IFT122: variants seen among roughly 807,000 people sequenced by gnomAD.
IFT122 encodes intraflagellar transport 122.
In IFT122, 118 loss-of-function variants were observed where a neutral mutation model predicts 161.6. That is an observed-to-expected ratio of 0.73 (90% CI 0.63 to 0.85). The LOEUF (loss-of-function observed/expected upper bound fraction) is 0.85. Among genes scored for constraint, IFT122 ranks in the 40% least tolerant of loss-of-function variants. The pLI is 0.00. For synonymous variants in IFT122, 550 were observed against 602.4 expected, an observed-to-expected ratio of 0.91 and a Z score of 1.27; for missense variants, 1,381 against 1,579.6, an observed-to-expected ratio of 0.87 and a Z score of 2.13.
chr3:129,444,883 G>A (rs2073795099), intron 1 of IFT122, among the ~76,000 whole-genome samples: 1 of 152,178 alleles, frequency 6.6e-6, no homozygotes, highest in African/African-American at 2.4e-5. Flanking sequence ...ATTAAAGGAA[G>A]CGTCAGGTCA....
chr3:129,453,888 A>G (rs1243346187), intron 3 of IFT122, among the ~76,000 whole-genome samples: 1 of 152,016 alleles, frequency 6.6e-6, no homozygotes. Context: ...GTGAGTTCCA[A>G]CCCCAACCCA....
intron 3 of IFT122, among the ~76,000 whole-genome samples, chr3:129,453,818 T>A (rs889790580): frequency 1.3e-5 from 2 of 151,648 alleles, no homozygotes; most frequent in Non-Finnish European, 2.9e-5. Flanking sequence ...TTAAAATAAA[T>A]CCATGTTGTC....
At position 129,450,033 on chromosome 3, in the gene IFT122, A is replaced by G. The variant is rs1472176264; in HGVS notation, c.108+96A>G. On this transcript the variant is annotated intron_variant, in intron 2 of 29. Coordinates refer to ENST00000348417, the MANE Select transcript of IFT122 (RefSeq NM_052989.3). ...ACCCTTTTTTTTTTTTTTTGAGATTAAAAAGGCAAGGGTGGAAAAACCTTC... is the reference window on the plus strand; with the variant it reads ...ACCCTTTTTTTTTTTTTTTGAGATTGAAAAGGCAAGGGTGGAAAAACCTTC... 6 of 836,102 alleles carry G rather than the reference A, an allele frequency of 7.2e-6. No homozygotes were observed. In the East Asian group the frequency reaches 1.5e-4, roughly 21 times the overall value. The allele number at this position is 836,102 out of a possible 1,614,324, so 51.8% of individuals were successfully genotyped here. A position where few individuals can be genotyped will look rare whatever the true frequency, so the allele number is the denominator to read the frequency against.
intron 1 of IFT122, among the ~76,000 whole-genome samples, chr3:129,447,444 G>C (rs1269940988): frequency 3.9e-5 from 6 of 152,188 alleles, no homozygotes; most frequent in Non-Finnish European, 8.8e-5. Context: ...ATAAAGGATT[G>C]TGGAGACCCA....
chr3:129,514,976 A>C, intron 25 of IFT122: 1 of 360,406 alleles, frequency 2.8e-6, no homozygotes, highest in Non-Finnish European at 5.3e-6. Flanking sequence ...CATTCCTTCA[A>C]CCCAGCCAGC....
chr3:129,441,664 G>A (rs1208960208), intron 1 of IFT122, among the ~76,000 whole-genome samples: 1 of 152,122 alleles, frequency 6.6e-6, no homozygotes, highest in Non-Finnish European at 1.5e-5. Context: ...AGACAGGCAG[G>A]TAACATAAAT....
At chr3:129,478,251 A>T (rs768050674) in intron 12 of IFT122, 33 bp downstream of exon 12, 1 of 1,596,844 alleles carries the variant, frequency 6.3e-7, no homozygotes. Context: ...AGTTGGGCTG[A>T]ATTCCATTTG....
At chr3:129,462,299 A>G (rs1048445994) in intron 5 of IFT122, among the ~76,000 whole-genome samples, 3 of 152,256 alleles carry the variant, frequency 2.0e-5, no homozygotes, top group African/African-American at 7.2e-5. Context: ...GTGGGATTAA[A>G]AAAAATATAA....
intron 3 of IFT122, chr3:129,456,300 G>A: frequency 1.6e-6 from 2 of 1,227,312 alleles, no homozygotes. Context: ...AGTATTTGCA[G>A]CAATATCATA....
chr3:129,467,150 T>C, intron 8 of IFT122, 84 bp downstream of exon 8: 7 of 1,363,558 alleles, frequency 5.1e-6, no homozygotes, highest in Non-Finnish European at 7.2e-6. Context: ...TTAAACTCTT[T>C]GGCCAAGGGA....
At position 129,520,467 on chromosome 3, in the gene IFT122, ATG is replaced by A. The variant is rs2084611957; in HGVS notation, c.*204_*205del. ...ATAGCACCAGGAGATGAGGAAGAGA[ATG>A]TACATATATTTTCTAAGGAAAAAAA... On this transcript the variant is annotated 3_prime_UTR_variant, in exon 30 of 30. Transcript: ENST00000348417. 4 of 621,220 alleles carry A rather than the reference ATG, an allele frequency of 6.4e-6. No individual in the cohort carries two copies. The South Asian group carries it at 7.4e-5, about 11-fold the overall frequency. The allele number at this position is 621,220 out of a possible 1,614,324, so 38.5% of individuals were successfully genotyped here.
Position 129,463,583 on chromosome 3 carries a change from T to C in IFT122, c.373T>C (p.Ser125Pro). The change falls in exon 6 of 30, where the codon TCT becomes CCT. Residue 125 changes from serine to proline, a missense_variant. By Grantham distance (74) the Ser-to-Pro change is moderately conservative. Coordinates refer to ENST00000348417, the MANE Select transcript of IFT122 (RefSeq NM_052989.3). ...DFGLWSPEQK[S>P]VSKHKSSSKI... ...AGGGTTGTGGTCTCCTGAACAGAAG[T>C]CTGTCTCCAAACACAAATCAAGCAG... 6.2e-7 allele frequency: 1 copy of C among 1,614,022 alleles called. No homozygotes were observed. Among genetic ancestry groups the C allele is most frequent in the Non-Finnish European group, 8.5e-7 (1 of 1,179,936 alleles).
intron 4 of IFT122, among the ~76,000 whole-genome samples, chr3:129,460,164 CT>C (rs2076070901): frequency 6.6e-6 from 1 of 152,170 alleles, no homozygotes; most frequent in African/African-American, 2.4e-5. Context: ...ATCTCCCAAA[CT>C]CTTTTATCCT....
rs766186054 is a variant in IFT122, at chr3:129,507,727, C to G, written c.2851C>G (p.Leu951Val). Residue 951 changes from leucine (L) to valine (V), a missense_variant, in exon 23 of 30, where the codon CTG becomes GTG. Physicochemically the swap from Leu to Val is conservative, Grantham distance 32. Coordinates refer to ENST00000348417, the MANE Select transcript of IFT122 (RefSeq NM_052989.3). ...KFYHFQRLAELYHGYHAIHRH... is the reference protein window; with the variant it reads ...KFYHFQRLAEVYHGYHAIHRH... ...CTACCACTTCCAGCGTTTGGCAGAG[C>G]TGTACCATGGTTACCATGCCATCCA... is the stretch of plus-strand genomic sequence containing the variant. 3 of 1,614,134 alleles carry G rather than the reference C, an allele frequency of 1.9e-6. No homozygotes were observed. The South Asian group carries it at 3.3e-5, about 18-fold the overall frequency.
At chr3:129,469,121 G>A (rs1577474552) in intron 8 of IFT122, among the ~76,000 whole-genome samples, 1 of 152,240 alleles carries the variant, frequency 6.6e-6, no homozygotes, top group East Asian at 1.9e-4. Flanking sequence ...AGGGGACTCA[G>A]TGAAACAGCA....
intron 3 of IFT122, among the ~76,000 whole-genome samples, chr3:129,452,807 G>A (rs2075006482): frequency 6.6e-6 from 1 of 152,166 alleles, no homozygotes; most frequent in Admixed American, 6.5e-5. Flanking sequence ...CAAGAGGTGA[G>A]GGTTAGGACA....
Position 129,496,924 on chromosome 3 carries a change from G to A in IFT122, c.2208+1317G>A, listed in dbSNP as rs2108495212. On this transcript the variant is annotated intron_variant, in intron 18 of 29. Coordinates refer to ENST00000348417, the MANE Select transcript of IFT122 (RefSeq NM_052989.3). ...ACCCTTAAGGGATCAAGACCCTAGA[G>A]GTAGAATTTAGGGTTGGGAACCCCT... Among the ~76,000 whole-genome samples, 3 of 152,294 alleles carry A rather than the reference G, an allele frequency of 2.0e-5. No homozygotes were observed. The South Asian group carries it at 6.2e-4, about 32-fold the overall frequency.
chr3:129,452,012 C>G lies in IFT122; in HGVS notation c.193+14C>G, dbSNP rs770833995. 1 of 1,592,064 alleles carries G rather than the reference C, an allele frequency of 6.3e-7. No homozygotes were observed. ...ATGCGAAGGATGGTAAAAGGCTGCT[C>G]TGGGTTTCCATTCTCTATAATAGCC... On this transcript the variant is annotated intron_variant, in intron 3 of 29. Coordinates refer to ENST00000348417, the MANE Select transcript of IFT122 (RefSeq NM_052989.3).
chr3:129,442,206 TGTG>T (rs1309159245), intron 1 of IFT122, among the ~76,000 whole-genome samples: 1 of 152,186 alleles, frequency 6.6e-6, no homozygotes, highest in Non-Finnish European at 1.5e-5. Flanking sequence ...ATTTCTCTCT[TGTG>T]GTACTTCCAG....
Sources: allele counts gnomAD v4.1 joint callset (sites outside exome capture counted in the v4.1 genomes callset), GRCh38; gene constraint gnomAD v4.1.1; transcripts MANE v1.5; gene names NCBI Gene and HGNC (gene_info 2026-07-23, HGNC 2026-07-21).